The following TNRC6A variants were observed in gnomAD, a reference collection of about 807,000 sequenced individuals.
TNRC6A encodes the protein trinucleotide repeat-containing gene 6A protein.
A neutral mutation model predicts 221.2 loss-of-function variants in TNRC6A; 44 were observed. The observed-to-expected ratio is 0.20, with a 90% confidence interval of 0.16 to 0.26. The LOEUF is 0.26. Ranked by LOEUF, TNRC6A falls within the 10% of genes least tolerant of loss-of-function variation. The pLI is 1.00. For synonymous variants in TNRC6A, 847 were observed against 838.5 expected (o/e 1.01, Z -0.18); for missense variants, 2,199 against 2,404.4 (o/e 0.91, Z 1.79).
At chr16:24,647,875 T>G (rs1902375643) in intron 2 of TNRC6A, among the ~76,000 whole-genome samples, 1 of 152,108 alleles carries the variant, frequency 6.6e-6, no homozygotes, top group Non-Finnish European at 1.5e-5. Context: ...CCTCCCAAAG[T>G]GCTGGGATTG....
chr16:24,781,289 G>T (rs2057840346), intron 5 of TNRC6A, among the ~76,000 whole-genome samples: 1 of 151,914 alleles, frequency 6.6e-6, no homozygotes, highest in South Asian at 2.1e-4. Context: ...GAACTCCTGA[G>T]CTCAAGCTAT....
chr16:24,655,558 A>T (rs773174576), intron 2 of TNRC6A, among the ~76,000 whole-genome samples: 3 of 151,924 alleles, frequency 2.0e-5, no homozygotes, highest in Non-Finnish European at 4.4e-5. Context: ...GCGTGGTGGC[A>T]CATGTCTGTA....
At chr16:24,764,648 A>G (rs896774274) in intron 4 of TNRC6A, among the ~76,000 whole-genome samples, 2 of 151,932 alleles carry the variant, frequency 1.3e-5, no homozygotes, top group African/African-American at 4.8e-5. Flanking sequence ...TTATTTATCC[A>G]TAGGTTGTTT....
chr16:24,625,608 C>A (rs1015091211), intron 1 of TNRC6A, among the ~76,000 whole-genome samples: 6 of 151,842 alleles, frequency 4.0e-5, no homozygotes, highest in African/African-American at 1.2e-4. Flanking sequence ...CGCCTGTAGT[C>A]CCAGCTACTC....
At chr16:24,690,595 T>C (rs2055735840) in intron 2 of TNRC6A, among the ~76,000 whole-genome samples, 1 of 152,088 alleles carries the variant, frequency 6.6e-6, no homozygotes, top group Non-Finnish European at 1.5e-5. Context: ...GAAACAAAAG[T>C]CAGTGATGTG....
intron 4 of TNRC6A, among the ~76,000 whole-genome samples, chr16:24,761,711 T>C (rs1222055235): frequency 6.6e-6 from 1 of 152,040 alleles, no homozygotes; most frequent in Non-Finnish European, 1.5e-5. Context: ...TCTTTTTCTT[T>C]TTTTAAACGT....
intron 2 of TNRC6A, among the ~76,000 whole-genome samples, chr16:24,676,604 G>A (rs969607850): frequency 3.3e-5 from 5 of 151,972 alleles, no homozygotes; most frequent in Admixed American, 1.3e-4. Context: ...TCAGGCACAC[G>A]CCACCACGCT....
At chr16:24,710,400 G>C (rs903617126) in intron 2 of TNRC6A, among the ~76,000 whole-genome samples, 1 of 151,898 alleles carries the variant, frequency 6.6e-6, no homozygotes, top group Non-Finnish European at 1.5e-5. Flanking sequence ...TGGAGCCCAG[G>C]AGTTCAAGAC....
chr16:24,766,052 GAAA>G (rs377127123), intron 4 of TNRC6A, among the ~76,000 whole-genome samples: 1 of 152,008 alleles, frequency 6.6e-6, no homozygotes, highest in Non-Finnish European at 1.5e-5. Context: ...AAGTAGATAT[GAAA>G]AAAACATTAA....
intron 19 of TNRC6A, chr16:24,816,328 C>CA (rs68019317): frequency 0.017 from 1,796 of 103,148 alleles, 43 homozygotes; most frequent in East Asian, 0.14. Context: ...GACTCTGTCT[C>CA]AAAAAAAAAA....
intron 2 of TNRC6A, among the ~76,000 whole-genome samples, chr16:24,683,844 C>A (rs1186223356): frequency 6.6e-6 from 1 of 152,156 alleles, no homozygotes; most frequent in Non-Finnish European, 1.5e-5. Context: ...TTATAGGCAT[C>A]GACACTAACT....
At chr16:24,811,165 G>A (rs908607028) in intron 18 of TNRC6A, among the ~76,000 whole-genome samples, 2 of 152,172 alleles carry the variant, frequency 1.3e-5, no homozygotes, top group African/African-American at 2.4e-5. Context: ...AACAGGCGAC[G>A]GTCCTGGCAC....
chr16:24,702,862 C>T (rs1278464917), intron 2 of TNRC6A, among the ~76,000 whole-genome samples: 5 of 148,080 alleles, frequency 3.4e-5, no homozygotes, highest in African/African-American at 7.4e-5. Context: ...GGTGAAACAC[C>T]GTCCCTACTA....
intron 4 of TNRC6A, among the ~76,000 whole-genome samples, chr16:24,776,010 C>T (rs1285596979): frequency 6.6e-6 from 1 of 152,184 alleles, no homozygotes; most frequent in African/African-American, 2.4e-5. Context: ...TAGGATAGCT[C>T]TGCAAGGTGT....
At chr16:24,654,085 G>T (rs1447845393) in intron 2 of TNRC6A, among the ~76,000 whole-genome samples, 2 of 152,002 alleles carry the variant, frequency 1.3e-5, no homozygotes, top group African/African-American at 4.8e-5. Flanking sequence ...TTAATGTTTT[G>T]CAGAGATGGG....
chr16:24,820,485 A>C, intron 22 of TNRC6A, 125 bp downstream of exon 22: 1 of 803,886 alleles, frequency 1.2e-6, no homozygotes, highest in Non-Finnish European at 2.0e-6. Flanking sequence ...GGGGAATGAG[A>C]ACTTCGGTAA....
chr16:24,812,602 TAC>T lies in TNRC6A; in HGVS notation c.4673-2543_4673-2542del, dbSNP rs560620479. Among the ~76,000 whole-genome samples the T allele has an allele frequency of 2.5e-3, 375 of 152,294 alleles. 8 individuals carry two copies. The highest frequency in any genetic ancestry group is 0.022 in the Admixed American group (333 of 15,296). On this transcript the variant is annotated intron_variant, in intron 18 of 24. Transcript: ENST00000395799. ...GCTATGTTTAGATACACCCTTCTGT[TAC>T]AGTTGCCTACATTACTCAGTACAGT...
intron 5 of TNRC6A, 118 bp downstream of exon 5, chr16:24,777,476 G>A (rs2151730904): frequency 2.1e-6 from 2 of 971,402 alleles, no homozygotes; most frequent in South Asian, 1.6e-5. Flanking sequence ...GGGCTTTAAT[G>A]TAAGAGTTCT....
chr16:24,794,502 T>C, intron 7 of TNRC6A, 42 bp from the exon 8 acceptor site: 1 of 1,574,102 alleles, frequency 6.4e-7, no homozygotes, highest in Non-Finnish European at 8.6e-7. Flanking sequence ...GGAATTCTTT[T>C]ATTAAAGTAT....
Sources: gnomAD v4.1 joint callset for allele counts (sites outside exome capture counted in the v4.1 genomes callset) on GRCh38, gnomAD v4.1.1 for gene constraint, MANE v1.5 for transcripts, NCBI Gene and HGNC (gene_info 2026-07-23, HGNC 2026-07-21) for gene names.